Variants in AP5S1 observed in about 807,000 individuals in gnomAD.
AP5S1 encodes the protein AP-5 complex subunit sigma-1.
Under a neutral mutation model 13.9 loss-of-function variants are expected in AP5S1, and 13 were observed. The ratio of observed to expected loss-of-function variants is 0.94; its 90% CI spans 0.61 to 1.49. The LOEUF (loss-of-function observed/expected upper bound fraction) is 1.49, where lower values mean the gene tolerates loss of function less well. Among genes scored for constraint, AP5S1 ranks in the 40% most tolerant of loss-of-function variants. The pLI, the probability that AP5S1 is intolerant of heterozygous loss-of-function variation, is 0.00. For synonymous variants in AP5S1, 132 were observed against 121.8 expected (o/e 1.08, Z -0.55); for missense variants, 292 against 272.3 (o/e 1.07, Z -0.51).
chr20:3,823,863 C>G lies in AP5S1; in HGVS notation c.177-8C>G. 6.3e-7 allele frequency: 1 copy of G among 1,592,554 alleles called. No individual in the cohort carries two copies. Among genetic ancestry groups the G allele is most frequent in the Non-Finnish European group, 8.5e-7 (1 of 1,173,204 alleles). On this transcript the variant is annotated splice_polypyrimidine_tract_variant and splice_region_variant and intron_variant, in intron 2 of 2. Transcript: ENST00000615891. ...AGCCCACCAGCCTGACCTGCCCACT[C>G]TCCCCAGGCAGGTAGAGTCAATGTG...
In AP5S1 at chr20:3,822,247, G is replaced by T. The variant is rs780228662; in HGVS notation, c.130G>T (p.Glu44Ter). Residue 44 changes from glutamate (E) to a stop codon, truncating the protein, a stop_gained, in exon 2 of 3, where the codon GAG becomes TAG. Coordinates refer to ENST00000615891, the MANE Select transcript of AP5S1 (RefSeq NM_018347.3). LOFTEE classifies it high-confidence loss of function. ...SPDDPRPHGAERDRLLRKEQI... is the reference protein window; with the variant it reads ...SPDDPRPHGA ...TGATGACCCACGGCCGCATGGTGCC[G>T]AGAGGGACAGGCTTCTCCGGAAGGA... is the stretch of plus-strand genomic sequence containing the variant. 1 of 1,614,160 alleles carries T rather than the reference G, an allele frequency of 6.2e-7. No homozygotes were observed. Among genetic ancestry groups the T allele is most frequent in the Non-Finnish European group, 8.5e-7 (1 of 1,180,038 alleles).
rs879467366 is a variant in AP5S1 at position 3,822,136 on chromosome 20, A to AT, written c.21dup (p.His8SerfsTer9). ...TGGAGCCATGGTCCACGCCTTCCTC[A>AT]TTCACACCTTGAGGGCCCCGAATAC... On this transcript the variant is annotated frameshift_variant, in exon 2 of 3. Transcript: ENST00000615891. LOFTEE classifies it high-confidence loss of function. 7 of 1,613,182 alleles carry AT rather than the reference A, an allele frequency of 4.3e-6. No individual in the cohort carries two copies. Among genetic ancestry groups the AT allele is most frequent in the Non-Finnish European group, 5.9e-6 (7 of 1,179,850 alleles).
Position 3,822,107 on chromosome 20 carries a change from A to C in AP5S1, c.-11A>C, listed in dbSNP as rs1049807133. On this transcript the variant is annotated 5_prime_UTR_variant, in exon 2 of 3. Coordinates refer to ENST00000615891, the MANE Select transcript of AP5S1 (RefSeq NM_018347.3). ...TGTCTCTGGCTTCCCTGTAGCACCC[A>C]CCCTGGAGCCATGGTCCACGCCTTC... The C allele has an allele frequency of 7.5e-6, 12 of 1,610,542 alleles. No individual in the cohort carries two copies. The highest frequency in any genetic ancestry group is 2.7e-5 in the African/African-American group (2 of 74,516).
rs2089611841 is a variant in AP5S1, at chr20:3,824,619, T to G, written c.*322T>G. On this transcript the variant is annotated 3_prime_UTR_variant, in exon 3 of 3. Coordinates refer to ENST00000615891, the MANE Select transcript of AP5S1 (RefSeq NM_018347.3). ...GCTAGGGTGAGGAGCTGCCTGGAGC[T>G]CACCCCGCTCTTCTTCCAAACCCAC... is the stretch of plus-strand genomic sequence containing the variant. 3.0e-6 allele frequency: 1 copy of G among 334,812 alleles called. No homozygotes were observed. The highest frequency in any genetic ancestry group is 5.6e-6 in the Non-Finnish European group (1 of 179,824). The allele number at this position is 334,812 out of a possible 1,614,324, so 20.7% of individuals were successfully genotyped here. A position where few individuals can be genotyped will look rare whatever the true frequency, so the allele number is the denominator to read the frequency against.
At chr20:3,822,545 T>G (rs2146730605) in intron 2 of AP5S1, among the ~76,000 whole-genome samples, 1 of 152,342 alleles carries the variant, frequency 6.6e-6, no homozygotes, top group Admixed American at 6.5e-5. Flanking sequence ...GCATTTATAT[T>G]CTGAACATCT....
chr20:3,821,282 G>T (rs1165607135), intron 1 of AP5S1, among the ~76,000 whole-genome samples: 1 of 152,162 alleles, frequency 6.6e-6, no homozygotes, highest in East Asian at 1.9e-4. Context: ...CATTGGTCAA[G>T]ACTTTTTCTG....
In AP5S1 at chr20:3,824,133, C is replaced by T. The variant is rs372438231; in HGVS notation, c.439C>T (p.Leu147Phe). The change falls in exon 3 of 3, where the codon CTT (leucine) becomes TTT (phenylalanine). Residue 147 changes from leucine to phenylalanine, a missense_variant. Leu to Phe is a conservative substitution (Grantham distance 22). Coordinates refer to ENST00000615891, the MANE Select transcript of AP5S1 (RefSeq NM_018347.3). ...GTLRLLTRLLLDHLRLLAPST... is the reference protein window; with the variant it reads ...GTLRLLTRLLFDHLRLLAPST... The stretch of plus-strand genomic sequence containing the variant: ...GCTCCGGCTGCTGACACGCCTCCTC[C>T]TTGACCACCTCCGGCTGCTGGCGCC... 2.5e-6 allele frequency: 4 copies of T among 1,613,934 alleles called. No individual in the cohort carries two copies. The highest frequency in any genetic ancestry group is 2.7e-5 in the African/African-American group (2 of 74,944).
In AP5S1 at chr20:3,822,233, G is replaced by T. The variant is rs759237285; in HGVS notation, c.116G>T (p.Arg39Leu). The T allele has an allele frequency of 2.5e-6, 4 of 1,614,056 alleles. No homozygotes were observed. In the East Asian group the frequency reaches 6.7e-5, roughly 27 times the overall value. The stretch of plus-strand genomic sequence containing the variant: ...GCTGAGAAGTCACCTGATGACCCAC[G>T]GCCGCATGGTGCCGAGAGGGACAGG... ...FGAEKSPDDPRPHGAERDRLL... is the reference protein window; with the variant it reads ...FGAEKSPDDPLPHGAERDRLL... Residue 39 changes from arginine (R) to leucine (L), a missense_variant, in exon 2 of 3, where the codon CGG (arginine) becomes CTG (leucine). Physicochemically the swap from Arg to Leu is moderately radical, Grantham distance 102 (BLOSUM62 -2). Transcript: ENST00000615891.
In AP5S1 at chr20:3,822,086, T is replaced by C; in HGVS notation, c.-16-16T>C. 6.2e-7 allele frequency: 1 copy of C among 1,606,546 alleles called. No individual in the cohort carries two copies. The highest frequency in any genetic ancestry group is 8.5e-7 in the Non-Finnish European group (1 of 1,175,118). On this transcript the variant is annotated splice_polypyrimidine_tract_variant and intron_variant, in intron 1 of 2. Transcript: ENST00000615891. The stretch of plus-strand genomic sequence containing the variant: ...GGTTCACTCTCACCTTACCAATGTC[T>C]CTGGCTTCCCTGTAGCACCCACCCT...
rs2089625845 is a variant in AP5S1 at position 3,826,507 on chromosome 20, T to C, written c.*2210T>C. ...GATCTGAATTCTTTCTGCCTTTTTTTCAAACGGAACTTAAGGAAGAGGTTG... is the reference window on the plus strand; with the variant it reads ...GATCTGAATTCTTTCTGCCTTTTTTCCAAACGGAACTTAAGGAAGAGGTTG... On this transcript the variant is annotated 3_prime_UTR_variant, in exon 3 of 3. Coordinates refer to ENST00000615891, the MANE Select transcript of AP5S1 (RefSeq NM_018347.3). 1 of 152,212 alleles carries C rather than the reference T, an allele frequency of 6.6e-6. No individual in the cohort carries two copies. Among genetic ancestry groups the C allele is most frequent in the South Asian group, 2.1e-4 (1 of 4,828 alleles). The allele number at this position is 152,212 out of a possible 1,614,324, so 9.4% of individuals were successfully genotyped here.
Position 3,822,323 on chromosome 20 carries a change from A to G in AP5S1, c.176+30A>G, listed in dbSNP as rs1243155757. The G allele has an allele frequency of 3.7e-6, 6 of 1,603,994 alleles. No homozygotes were observed. The South Asian group carries it at 4.4e-5, about 12-fold the overall frequency. ...CCACACAGCCCAGCCCCAGGCCTTC[A>G]TTGAACACGTACCTGATTGTAATAG... is the stretch of plus-strand genomic sequence containing the variant. On this transcript the variant is annotated intron_variant, in intron 2 of 2. Transcript: ENST00000615891.
Position 3,823,904 on chromosome 20 carries a change from G to T in AP5S1, c.210G>T (p.Gln70His). 6.2e-7 allele frequency: 1 copy of T among 1,602,388 alleles called. No individual in the cohort carries two copies. Among genetic ancestry groups the T allele is most frequent in the South Asian group, 1.1e-5 (1 of 91,042 alleles). Residue 70 changes from glutamine (Q) to histidine (H), a missense_variant, in exon 3 of 3, where the codon CAG (glutamine) becomes CAT (histidine). Coordinates refer to ENST00000615891, the MANE Select transcript of AP5S1 (RefSeq NM_018347.3). ...QVESMCRLQQ[Q>H]ASGRPPMDLQ... ...AGTCAATGTGTCGGCTGCAGCAGCA[G>T]GCATCTGGCCGGCCCCCCATGGACC...
At chr20:3,823,830 G>T (rs748340897) in intron 2 of AP5S1, 41 bp from the exon 3 acceptor site, 5 of 1,569,504 alleles carry the variant, frequency 3.2e-6, no homozygotes, top group Non-Finnish European at 3.4e-6. Flanking sequence ...TGACAGAGTT[G>T]GTGTGTGAGC....
At position 3,820,604 on chromosome 20, in the gene AP5S1, C is replaced by T. The variant is rs1018615130; in HGVS notation, c.-171C>T. 1 of 152,216 alleles carries T rather than the reference C, an allele frequency of 6.6e-6. No homozygotes were observed. Among genetic ancestry groups the T allele is most frequent in the Non-Finnish European group, 1.5e-5 (1 of 68,042 alleles). The allele number at this position is 152,216 out of a possible 1,614,324, so 9.4% of individuals were successfully genotyped here. A position where few individuals can be genotyped will look rare whatever the true frequency, so the allele number is the denominator to read the frequency against. On this transcript the variant is annotated 5_prime_UTR_variant, in exon 1 of 3. Transcript: ENST00000615891. ...AGCGCTTGGTGGCAGTCCGCGGGCC[C>T]GGACGGAAGGCTGAGGCGACGCCTC...
rs887581418 is a variant in AP5S1, at chr20:3,823,759, G to A, written c.177-112G>A. 1.3e-5 allele frequency: 19 copies of A among 1,515,528 alleles called. No individual in the cohort carries two copies. In the African/African-American group the frequency reaches 2.1e-4, roughly 17 times the overall value. The allele number at this position is 1,515,528 out of a possible 1,614,324, so 93.9% of individuals were successfully genotyped here. The stretch of plus-strand genomic sequence containing the variant: ...GATCACTTAGTCTCTCTAGGCCTCA[G>A]TTTTCTCACTTGAGATATGGGGATG... On this transcript the variant is annotated intron_variant, in intron 2 of 2. Transcript: ENST00000615891.
chr20:3,821,871 CT>C, intron 1 of AP5S1: 1 of 917,630 alleles, frequency 1.1e-6, no homozygotes, highest in Non-Finnish European at 1.3e-6. Context: ...GTTTGTTTTT[CT>C]TTTTTCTTTT....
intron 1 of AP5S1, among the ~76,000 whole-genome samples, chr20:3,821,636 G>A (rs1470821734): frequency 2.6e-5 from 4 of 151,960 alleles, no homozygotes; most frequent in African/African-American, 9.7e-5. Context: ...CAAGGTGCTG[G>A]GATTACAGGC....
chr20:3,823,991 C>T lies in AP5S1; in HGVS notation c.297C>T (p.Arg99=), dbSNP rs373790111. 1.2e-6 allele frequency: 2 copies of T among 1,612,752 alleles called. No individual in the cohort carries two copies. The highest frequency in any genetic ancestry group is 2.7e-5 in the African/African-American group (2 of 74,952). Reference sequence around the variant, plus strand: ...ACGAGGCCCCACGTGGGGCTTTCCGCCTGGCAGCAGAGAACCCTTTCCAGG... The same window carrying T: ...ACGAGGCCCCACGTGGGGCTTTCCGTCTGGCAGCAGAGAACCCTTTCCAGG... ...PLHEAPRGAF[R]LAAENPFQEP... Residue 99 remains arginine (R), a synonymous_variant, in exon 3 of 3, where the codon CGC becomes CGT. Transcript: ENST00000615891.
chr20:3,821,844 A>AT (rs869216838), intron 1 of AP5S1: 74 of 895,162 alleles, frequency 8.3e-5, no homozygotes, highest in Middle Eastern at 5.8e-4. Flanking sequence ...GTGGTCTGAG[A>AT]TTTTTTTTGT....
Sources: allele counts gnomAD v4.1 joint callset (sites outside exome capture counted in the v4.1 genomes callset), GRCh38; gene constraint gnomAD v4.1.1; transcripts MANE v1.5; gene names NCBI Gene and HGNC (gene_info 2026-07-23, HGNC 2026-07-21).